KCNH1: variants seen among roughly 807,000 people sequenced by gnomAD.
The protein encoded by KCNH1 is voltage-gated delayed rectifier potassium channel KCNH1.
A neutral mutation model predicts 69.2 loss-of-function variants in KCNH1; 27 were observed. The ratio of observed to expected loss-of-function variants is 0.39; its 90% confidence interval spans 0.29 to 0.54. The LOEUF is 0.54. Among genes scored for constraint, KCNH1 ranks in the 20% least tolerant of loss-of-function variants. The pLI, the probability that KCNH1 is intolerant of heterozygous loss-of-function variation, is 0.68. For synonymous variants in KCNH1, 456 were observed against 487.7 expected (o/e 0.93, Z 0.86); for missense variants, 798 against 1,261.6 (o/e 0.63, Z 5.57).
chr1:211,103,319 G>A, intron 3 of KCNH1, among the ~76,000 whole-genome samples, 177 bp downstream of exon 3: 1 of 152,204 alleles, frequency 6.6e-6, no homozygotes, highest in East Asian at 1.9e-4. Context: ...AAATGTTCCT[G>A]TGAGAAACAG....
chr1:210,860,982 G>A (rs888629809), intron 7 of KCNH1: 22 of 1,038,576 alleles, frequency 2.1e-5, no homozygotes, highest in Non-Finnish European at 3.0e-5. Flanking sequence ...CAATCATGCA[G>A]GGCTCCATCT....
At chr1:210,892,255 C>A (rs536438693) in intron 7 of KCNH1, among the ~76,000 whole-genome samples, 40 of 152,010 alleles carry the variant, frequency 2.6e-4, no homozygotes, top group South Asian at 1.9e-3. Flanking sequence ...GTCCCACAGT[C>A]ACACCATTCC....
At position 210,900,237 on chromosome 1, in the gene KCNH1, C is replaced by T. The variant is rs1212395696; in HGVS notation, c.1462+19403G>A. ...GAAGGAAAGTAGTCTTGCTCAGAGC[C>T]ATCCCCATTCACGTACCAAGGGAGC... On this transcript the variant is annotated intron_variant, in intron 7 of 10. Coordinates refer to ENST00000271751, the MANE Select transcript of KCNH1 (RefSeq NM_172362.3). Among the ~76,000 whole-genome samples, 3 of 152,200 alleles carry T rather than the reference C, an allele frequency of 2.0e-5. No homozygotes were observed. In the East Asian group the frequency reaches 5.8e-4, roughly 29 times the overall value.
intron 1 of KCNH1, among the ~76,000 whole-genome samples, chr1:211,128,766 G>C (rs1691828565): frequency 1.3e-5 from 2 of 152,168 alleles, no homozygotes; most frequent in African/African-American, 2.4e-5. Flanking sequence ...AAGGTTTGCA[G>C]CTGGAAAAAA....
At chr1:211,087,498 T>G (rs1158857660) in intron 4 of KCNH1, among the ~76,000 whole-genome samples, 1 of 151,968 alleles carries the variant, frequency 6.6e-6, no homozygotes, top group Non-Finnish European at 1.5e-5. Context: ...CCCAATTATC[T>G]ATAACAAAAG....
intron 7 of KCNH1, among the ~76,000 whole-genome samples, chr1:210,809,305 A>C (rs534494491): frequency 6.6e-6 from 1 of 152,128 alleles, no homozygotes; most frequent in Non-Finnish European, 1.5e-5. Flanking sequence ...GAAAATGACA[A>C]GGTTCATAAA....
intron 10 of KCNH1, among the ~76,000 whole-genome samples, chr1:210,689,663 G>A (rs865876069): frequency 7.9e-5 from 12 of 152,240 alleles, no homozygotes; most frequent in Admixed American, 1.3e-4. Context: ...GAAATGCTCA[G>A]CAGTAGAAAG....
Position 210,919,845 on chromosome 1 carries a change from C to G in KCNH1, c.1257G>C (p.Leu419=), listed in dbSNP as rs768268856. ...DTKTIRNNSW[L]YQLAMDIGTP... is the part of the protein sequence containing the mutation. ...TGCCAATGTCCATCGCTAGTTGGTA[C>G]AGCCAGCTGTTGTTGCGGATTGTCT... The change falls in exon 7 of 11, where the codon CTG becomes CTC. Residue 419 remains leucine, a synonymous_variant. Coordinates refer to ENST00000271751, the MANE Select transcript of KCNH1 (RefSeq NM_172362.3). The surrounding 1 kb of genome is among the most constrained non-coding windows in gnomAD (Gnocchi z 4.2). 2 of 1,614,206 alleles carry G rather than the reference C, an allele frequency of 1.2e-6. No individual in the cohort carries two copies. Among genetic ancestry groups the G allele is most frequent in the East Asian group, 4.5e-5 (2 of 44,890 alleles).
At chr1:210,881,541 T>C (rs1358444803) in intron 7 of KCNH1, among the ~76,000 whole-genome samples, 1 of 152,200 alleles carries the variant, frequency 6.6e-6, no homozygotes, top group Non-Finnish European at 1.5e-5. Flanking sequence ...TACTACTTAC[T>C]CAAATGTATT....
chr1:210,853,602 A>G (rs6540631), intron 7 of KCNH1, among the ~76,000 whole-genome samples: 127,633 of 152,162 alleles, frequency 0.84, 53,728 homozygotes, highest in African/African-American at 0.88. Context: ...CTGATTGGGT[A>G]CAACTAACCA....
At chr1:211,032,502 C>CT (rs1264683501) in intron 5 of KCNH1, among the ~76,000 whole-genome samples, 1 of 152,186 alleles carries the variant, frequency 6.6e-6, no homozygotes, top group East Asian at 1.9e-4. Context: ...CGCTACCTGA[C>CT]TTCAAACTAT....
intron 7 of KCNH1, among the ~76,000 whole-genome samples, chr1:210,829,774 G>A (rs7511994): frequency 0.024 from 3,685 of 151,946 alleles, 149 homozygotes; most frequent in African/African-American, 0.085. Flanking sequence ...CACTTTCAAC[G>A]CCCCCTCTGG....
chr1:210,980,313 A>T (rs537609448), intron 6 of KCNH1, among the ~76,000 whole-genome samples: 2 of 152,350 alleles, frequency 1.3e-5, no homozygotes, highest in South Asian at 4.1e-4. Flanking sequence ...ATCAGAAAAG[A>T]TCACCTGTGT....
chr1:211,091,306 C>T (rs937322066), intron 3 of KCNH1, among the ~76,000 whole-genome samples: 3 of 152,032 alleles, frequency 2.0e-5, no homozygotes, highest in Non-Finnish European at 2.9e-5. Context: ...CTCAGCCTCC[C>T]GAGGTAGCTG....
rs1292547619 is a variant in KCNH1 at position 210,919,348 on chromosome 1, T to C, written c.1462+292A>G. 3.1e-6 allele frequency: 1 copy of C among 324,334 alleles called. No homozygotes were observed. Among genetic ancestry groups the C allele is most frequent in the East Asian group, 5.4e-5 (1 of 18,460 alleles). 20.1% of individuals were successfully genotyped at this position (324,334 alleles called of 1,614,324 possible). A position where few individuals can be genotyped will look rare whatever the true frequency, so the allele number is the denominator to read the frequency against. Reference sequence around the variant, plus strand: ...ATAAAAATCTATATGTATTCAGATATGCAAAGAAAATAGTCTGTAAGAGAA... The same window carrying C: ...ATAAAAATCTATATGTATTCAGATACGCAAAGAAAATAGTCTGTAAGAGAA... On this transcript the variant is annotated intron_variant, in intron 7 of 10. Coordinates refer to ENST00000271751, the MANE Select transcript of KCNH1 (RefSeq NM_172362.3). This position sits in a 1 kb window ranked among gnomAD's most constrained non-coding sequence, Gnocchi z 4.2.
At chr1:210,938,044 G>C (rs1031602006) in intron 6 of KCNH1, among the ~76,000 whole-genome samples, 2 of 152,202 alleles carry the variant, frequency 1.3e-5, no homozygotes, top group Non-Finnish European at 2.9e-5. Context: ...TCCCTGGAAT[G>C]ACCCTTGGTC....
At chr1:210,792,937 A>G (rs1179804705) in intron 9 of KCNH1, among the ~76,000 whole-genome samples, 1 of 152,202 alleles carries the variant, frequency 6.6e-6, no homozygotes, top group African/African-American at 2.4e-5. Context: ...GAATACCAAG[A>G]TAACTACTTA....
intron 6 of KCNH1, among the ~76,000 whole-genome samples, chr1:211,000,220 T>C (rs1304587830): frequency 2.6e-5 from 4 of 152,178 alleles, no homozygotes; most frequent in Non-Finnish European, 5.9e-5. Context: ...GGAAGTCAAA[T>C]TGTCCCTGTT....
intron 6 of KCNH1, among the ~76,000 whole-genome samples, chr1:210,972,875 C>T (rs1241688586): frequency 6.7e-6 from 1 of 149,932 alleles, no homozygotes; most frequent in Non-Finnish European, 1.5e-5. Context: ...AGTTTGAGCA[C>T]TGACTTGAGT....
Sources: allele counts gnomAD v4.1 joint callset (sites outside exome capture counted in the v4.1 genomes callset), GRCh38; gene constraint gnomAD v4.1.1; non-coding constraint Gnocchi (gnomAD v3.1); transcripts MANE v1.5; gene names NCBI Gene and HGNC (gene_info 2026-07-23, HGNC 2026-07-21).